The following WDFY3 variants were observed in gnomAD, a reference collection of about 807,000 sequenced individuals.
WDFY3 encodes the protein WD repeat and FYVE domain containing 3.
WDFY3 carries 66 observed loss-of-function variants against 409.6 expected under a neutral mutation model. That is an observed-to-expected ratio of 0.16 (90% CI 0.13 to 0.20). The LOEUF (loss-of-function observed/expected upper bound fraction) is 0.20. WDFY3 is among the 10% of genes least tolerant of loss of function. WDFY3 has a pLI of 1.00. For synonymous variants in WDFY3, 1,521 were observed against 1,537.1 expected, an observed-to-expected ratio of 0.99 and a Z score of 0.25; for missense variants, 3,031 against 4,298.1, an observed-to-expected ratio of 0.71 and a Z score of 8.24.
Position 84,766,270 on chromosome 4 carries a change from T to C in WDFY3, c.4952A>G (p.Lys1651Arg). 6 of 1,586,698 alleles carry C rather than the reference T, an allele frequency of 3.8e-6. No homozygotes were observed. The highest frequency in any genetic ancestry group is 5.1e-6 in the Non-Finnish European group (6 of 1,167,912). ...TACTTACTGCAAATTAATGCTTGTC[T>C]TTTCTTTAGATGTATAAATTAGTTT... ...LLKLIYTSKE[K>R]TSINLQACEE... Residue 1651 changes from lysine to arginine, a missense_variant, in exon 31 of 68, where the codon AAG (lysine) becomes AGG (arginine). Lys to Arg is a conservative substitution (Grantham distance 26). This residue lies in a region of WDFY3 where 342 missense variants were observed against 463.7 expected (regional missense o/e 0.74). Transcript: ENST00000295888.
chr4:84,863,705 G>A (rs1403212017), intron 3 of WDFY3, among the ~76,000 whole-genome samples: 1 of 152,018 alleles, frequency 6.6e-6, no homozygotes, highest in African/African-American at 2.4e-5. Flanking sequence ...ATTCCATTTT[G>A]AGTTAGTTGT....
Position 84,677,249 on chromosome 4 carries a change from G to A in WDFY3, c.10407C>T (p.Leu3469=), listed in dbSNP as rs911655709. The A allele has an allele frequency of 3.7e-6, 6 of 1,614,200 alleles. No individual in the cohort carries two copies. Among genetic ancestry groups the A allele is most frequent in the Non-Finnish European group, 5.1e-6 (6 of 1,180,024 alleles). The change falls in exon 67 of 68, where the codon CTC becomes CTT. Residue 3469 remains leucine, a synonymous_variant. Transcript: ENST00000295888. The stretch of plus-strand genomic sequence containing the variant: ...TCCTGCAATGGTGTCGTCTTTCTGT[G>A]AGTGAAAACCTCACCGAGCAGCCTG... ...SCSGCSVRFS[L]TERRHHCRNC...
intron 30 of WDFY3, among the ~76,000 whole-genome samples, chr4:84,767,164 TA>T (rs1171430538): frequency 6.6e-6 from 1 of 152,196 alleles, no homozygotes; most frequent in Admixed American, 6.5e-5. Context: ...CTTATTTTGG[TA>T]ATTCTTACAG....
intron 12 of WDFY3, among the ~76,000 whole-genome samples, chr4:84,818,371 G>A (rs1753612078): frequency 2.0e-5 from 3 of 152,070 alleles, no homozygotes; most frequent in South Asian, 2.1e-4. Context: ...TATCCCTTAC[G>A]TTTTTAGGGC....
chr4:84,960,129 A>T (rs1360085141), intron 1 of WDFY3, among the ~76,000 whole-genome samples: 2 of 152,204 alleles, frequency 1.3e-5, no homozygotes, highest in South Asian at 4.1e-4. Context: ...GGGTAGGGGC[A>T]ATAAATGTAG....
chr4:84,905,870 C>CT (rs1045644217), intron 2 of WDFY3, among the ~76,000 whole-genome samples: 1 of 152,172 alleles, frequency 6.6e-6, no homozygotes, highest in African/African-American at 2.4e-5. Context: ...CTGTAAATTC[C>CT]TGGCAGGGAT....
intron 44 of WDFY3, 74 bp from the exon 45 acceptor site, chr4:84,726,985 T>C (rs1735768328): frequency 3.7e-6 from 5 of 1,360,150 alleles, no homozygotes; most frequent in Admixed American, 2.3e-5. Context: ...AAAATTTTTC[T>C]TGAGGATTGT....
chr4:84,702,032 G>A (rs762856332), intron 56 of WDFY3, among the ~76,000 whole-genome samples: 22 of 152,152 alleles, frequency 1.4e-4, no homozygotes, highest in Admixed American at 9.2e-4. Context: ...ATTTAGAGAC[G>A]GAGTCTCGCT....
rs550299702 is a variant in WDFY3, at chr4:84,782,574, T to C, written c.4174+389A>G. Among the ~76,000 whole-genome samples, 27 of 152,278 alleles carry C rather than the reference T, an allele frequency of 1.8e-4. 2 individuals carry two copies. The South Asian group carries it at 5.6e-3, about 32-fold the overall frequency. ...CCTGACAGGCCCTGGTATGTGATGT[T>C]CCCGTCCCTGTGTCCGTATGTTCTC... On this transcript the variant is annotated intron_variant, in intron 25 of 67. Coordinates refer to ENST00000295888, the MANE Select transcript of WDFY3 (RefSeq NM_014991.6).
intron 14 of WDFY3, 113 bp downstream of exon 14, chr4:84,809,774 G>C: frequency 2.1e-6 from 2 of 951,780 alleles, no homozygotes; most frequent in Non-Finnish European, 3.1e-6. Flanking sequence ...AAACAAATAG[G>C]AGAAGAGTCA....
chr4:84,796,705 T>C lies in WDFY3; in HGVS notation c.2983A>G (p.Ser995Gly). 1 of 1,614,182 alleles carries C rather than the reference T, an allele frequency of 6.2e-7. No individual in the cohort carries two copies. Among genetic ancestry groups the C allele is most frequent in the Non-Finnish European group, 8.5e-7 (1 of 1,180,030 alleles). ...CGGTAATGGTTATCTTCATGTAAGC[T>C]AAAAACATTATCAGTACCCAGACCT... ...LEGLGTDNVFSLHEDNHYRIS... is the reference protein window; with the variant it reads ...LEGLGTDNVFGLHEDNHYRIS... The change falls in exon 19 of 68, where the codon AGC becomes GGC. Residue 995 changes from serine (S) to glycine (G), a missense_variant. Transcript: ENST00000295888.
At position 84,751,742 on chromosome 4, in the gene WDFY3, G is replaced by A. The variant is rs533849223; in HGVS notation, c.5740-26C>T. ...CTAGTAAAATCAAGTGGAAAGATAC[G>A]GTAATCACATTAGACTCTGACATTT... On this transcript the variant is annotated intron_variant, in intron 35 of 67. Coordinates refer to ENST00000295888, the MANE Select transcript of WDFY3 (RefSeq NM_014991.6). 4.5e-5 allele frequency: 72 copies of A among 1,609,876 alleles called. No individual in the cohort carries two copies. In the South Asian group the frequency reaches 5.9e-4, roughly 13 times the overall value.
intron 15 of WDFY3, 99 bp downstream of exon 15, chr4:84,808,235 C>A: frequency 4.1e-6 from 4 of 982,792 alleles, no homozygotes; most frequent in South Asian, 1.9e-5. Context: ...CAAAAAAAAA[C>A]TGAAATCACA....
In WDFY3 at chr4:84,713,286, G is replaced by T. The variant is rs758070518; in HGVS notation, c.7962-47C>A. On this transcript the variant is annotated intron_variant, in intron 50 of 67. Transcript: ENST00000295888. ...AAAATTACAAGTGAAGTCTCAGTCA[G>T]GATCTAATGGGAAGCCTAAGAAAGG... 5.5e-5 allele frequency: 83 copies of T among 1,518,162 alleles called. No individual in the cohort carries two copies. The South Asian group carries it at 9.2e-4, about 17-fold the overall frequency. 94.0% of individuals were successfully genotyped at this position (1,518,162 alleles called of 1,614,324 possible).
intron 30 of WDFY3, among the ~76,000 whole-genome samples, chr4:84,768,596 C>T (rs1425921963): frequency 1.3e-5 from 2 of 152,184 alleles, no homozygotes; most frequent in African/African-American, 2.4e-5. Context: ...TTTAAGCCCA[C>T]TGTTCAGACC....
chr4:84,755,962 C>A (rs1443615298), intron 33 of WDFY3, among the ~76,000 whole-genome samples: 1 of 152,122 alleles, frequency 6.6e-6, no homozygotes, highest in East Asian at 1.9e-4. Context: ...TCTAAGGGCA[C>A]AGACTCAAGT....
At position 84,718,532 on chromosome 4, in the gene WDFY3, T is replaced by C. The variant is rs1468006295; in HGVS notation, c.7644A>G (p.Leu2548=). ...HMYRCARVQG[L]DTSEGLLLFG... ...AAAGAAGGAGCCCCTCACTGGTATC[T>C]AGGCCCTGGACTCGAGCACAGCGGT... Residue 2548 remains leucine, a synonymous_variant, in exon 48 of 68, where the codon CTA becomes CTG. Transcript: ENST00000295888. The C allele has an allele frequency of 1.2e-6, 2 of 1,614,118 alleles. No individual in the cohort carries two copies. Among genetic ancestry groups the C allele is most frequent in the Non-Finnish European group, 1.7e-6 (2 of 1,179,994 alleles).
At chr4:84,752,078 T>C (rs1740619343) in intron 35 of WDFY3, among the ~76,000 whole-genome samples, 1 of 152,030 alleles carries the variant, frequency 6.6e-6, no homozygotes, top group African/African-American at 2.4e-5. Flanking sequence ...GAATTTCACA[T>C]AAAAATCTGG....
At chr4:84,854,841 G>A (rs962567138) in intron 4 of WDFY3, among the ~76,000 whole-genome samples, 4 of 152,150 alleles carry the variant, frequency 2.6e-5, no homozygotes, top group African/African-American at 2.4e-5. Flanking sequence ...CCTGGGAGGT[G>A]GAGGTTGCAG....
Sources: gnomAD v4.1 joint callset for allele counts (sites outside exome capture counted in the v4.1 genomes callset) on GRCh38, gnomAD v4.1.1 for gene constraint, gnomAD v4.1.1 regional missense constraint, MANE v1.5 for transcripts, NCBI Gene and HGNC (gene_info 2026-07-23, HGNC 2026-07-21) for gene names.